Variants in ALK observed in about 807,000 individuals in gnomAD.
The protein encoded by ALK is ALK receptor tyrosine kinase, also known as ALK tyrosine kinase receptor.
A neutral mutation model predicts 163.1 loss-of-function variants in ALK; 74 were observed. The ratio of observed to expected loss-of-function variants is 0.45; its 90% CI spans 0.38 to 0.55. The LOEUF is 0.55. ALK is among the 20% of genes least tolerant of loss of function. The pLI, the probability that ALK is intolerant of heterozygous loss-of-function variation, is 0.00. For synonymous variants in ALK, 960 were observed against 843.2 expected (o/e 1.14, Z -2.40); for missense variants, 2,063 against 2,105.3 (o/e 0.98, Z 0.39).
chr2:29,393,768 C>G (rs1669237812), intron 4 of ALK, among the ~76,000 whole-genome samples: 1 of 152,226 alleles, frequency 6.6e-6, no homozygotes, highest in African/African-American at 2.4e-5. Context: ...TCTGCCCCTA[C>G]AGTTTCTAAA....
intron 4 of ALK, among the ~76,000 whole-genome samples, chr2:29,463,641 T>C (rs1399827827): frequency 2.6e-5 from 4 of 152,204 alleles, no homozygotes; most frequent in Admixed American, 2.0e-4. Flanking sequence ...GGAGGCAGTT[T>C]CCAGGTTGCC....
At chr2:29,728,999 G>T (rs1228037705) in intron 1 of ALK, among the ~76,000 whole-genome samples, 1 of 152,132 alleles carries the variant, frequency 6.6e-6, no homozygotes, top group Non-Finnish European at 1.5e-5. Context: ...ACCTAAAATG[G>T]CTCTGCCCCG....
At chr2:29,909,487 A>G (rs1479854116) in intron 1 of ALK, among the ~76,000 whole-genome samples, 1 of 131,552 alleles carries the variant, frequency 7.6e-6, no homozygotes, top group East Asian at 2.1e-4. Context: ...AGACAGAGAG[A>G]GAGAGAGAGA....
At chr2:29,594,818 T>G (rs540479205) in intron 3 of ALK, among the ~76,000 whole-genome samples, 25 of 144,318 alleles carry the variant, frequency 1.7e-4, no homozygotes, top group Admixed American at 3.7e-4. Flanking sequence ...GGGGTGTGTG[T>G]GGGGGTTCTC....
intron 1 of ALK, among the ~76,000 whole-genome samples, chr2:29,835,165 G>C (rs957519331): frequency 1.3e-5 from 2 of 152,198 alleles, no homozygotes; most frequent in African/African-American, 4.8e-5. Flanking sequence ...TAAGTAGCAA[G>C]AGTTGAAGGC....
chr2:29,708,703 A>C (rs767648128), intron 2 of ALK, among the ~76,000 whole-genome samples: 8 of 152,204 alleles, frequency 5.3e-5, no homozygotes, highest in Non-Finnish European at 1.2e-4. Flanking sequence ...CCTTGCCTCT[A>C]TGGTAGAGAG....
At chr2:29,574,507 C>T (rs113606994) in intron 3 of ALK, among the ~76,000 whole-genome samples, 2 of 152,194 alleles carry the variant, frequency 1.3e-5, no homozygotes, top group Admixed American at 1.3e-4. Flanking sequence ...TTGGTCCTGC[C>T]GGCCCTATAA....
intron 8 of ALK, among the ~76,000 whole-genome samples, chr2:29,302,768 A>G (rs964766093): frequency 6.6e-6 from 1 of 152,190 alleles, no homozygotes; most frequent in Non-Finnish European, 1.5e-5. Flanking sequence ...GTAAGGGAGT[A>G]TATCCAGGCA....
intron 7 of ALK, 92 bp from the exon 8 acceptor site, chr2:29,318,496 T>G: frequency 1.1e-6 from 1 of 876,204 alleles, no homozygotes; most frequent in South Asian, 1.4e-5. Context: ...AGTTCTTATC[T>G]AGCCTAGGGA....
intron 1 of ALK, among the ~76,000 whole-genome samples, chr2:29,742,392 T>C (rs887878781): frequency 9.2e-5 from 14 of 152,136 alleles, no homozygotes; most frequent in Admixed American, 2.0e-4. Flanking sequence ...AGACCTGAGC[T>C]GGAGTTGAGA....
intron 23 of ALK, among the ~76,000 whole-genome samples, chr2:29,215,898 C>T (rs886822380): frequency 1.1e-4 from 17 of 152,146 alleles, no homozygotes; most frequent in African/African-American, 3.9e-4. Flanking sequence ...GTGGGACTGT[C>T]GGTCTCCCTG....
intron 5 of ALK, among the ~76,000 whole-genome samples, chr2:29,380,677 G>A (rs377148691): frequency 2.0e-5 from 3 of 151,846 alleles, no homozygotes; most frequent in African/African-American, 2.4e-5. Context: ...CAGGTAATCC[G>A]CCCACCTCAG....
chr2:29,885,489 T>C (rs1344922823), intron 1 of ALK, among the ~76,000 whole-genome samples: 1 of 151,590 alleles, frequency 6.6e-6, no homozygotes, highest in Non-Finnish European at 1.5e-5. Context: ...GAGAAAACCA[T>C]GCCCAGGTTT....
intron 3 of ALK, among the ~76,000 whole-genome samples, chr2:29,647,209 C>G (rs756277785): frequency 2.6e-5 from 4 of 152,178 alleles, no homozygotes; most frequent in African/African-American, 4.8e-5. Context: ...GCCATCACTT[C>G]TGTATTGTGG....
chr2:29,784,597 GAGC>G (rs1377770527), intron 1 of ALK, among the ~76,000 whole-genome samples: 2 of 152,244 alleles, frequency 1.3e-5, no homozygotes, highest in East Asian at 3.9e-4. Context: ...TTGGGAGACT[GAGC>G]AGAAGAATCG....
intron 4 of ALK, among the ~76,000 whole-genome samples, chr2:29,451,920 C>T (rs1224474532): frequency 6.6e-6 from 1 of 152,152 alleles, no homozygotes; most frequent in Non-Finnish European, 1.5e-5. Context: ...ATAGGGCAGC[C>T]GCTAGCCTCA....
chr2:29,564,314 C>T (rs577065518), intron 3 of ALK, among the ~76,000 whole-genome samples: 1 of 152,246 alleles, frequency 6.6e-6, no homozygotes, highest in African/African-American at 2.4e-5. Context: ...CCCAACTATC[C>T]TAACTATCAA....
At chr2:29,736,936 G>C (rs781060166) in intron 1 of ALK, among the ~76,000 whole-genome samples, 1 of 151,938 alleles carries the variant, frequency 6.6e-6, no homozygotes, top group Non-Finnish European at 1.5e-5. Flanking sequence ...ACAGAGAATG[G>C]GCACAAATAC....
At chr2:29,709,624 G>A (rs556664867) in intron 2 of ALK, among the ~76,000 whole-genome samples, 74 of 152,232 alleles carry the variant, frequency 4.9e-4, no homozygotes, top group African/African-American at 1.5e-3. Context: ...ACCAAGTAGC[G>A]GGGAGACACA....
Sources: gnomAD v4.1 joint callset for allele counts (sites outside exome capture counted in the v4.1 genomes callset) on GRCh38, gnomAD v4.1.1 for gene constraint, MANE v1.5 for transcripts, NCBI Gene and HGNC (gene_info 2026-07-23, HGNC 2026-07-21) for gene names.